Variants in TTF1 observed in about 807,000 individuals in gnomAD.
The protein encoded by TTF1 is transcription termination factor 1, also known as transcription termination factor, RNA polymerase I.
TTF1 carries 64 observed loss-of-function variants against 80.2 expected under a neutral mutation model. That is an observed-to-expected ratio of 0.80 (90% confidence interval 0.65 to 0.98). The LOEUF (loss-of-function observed/expected upper bound fraction) is 0.98. Ranked by LOEUF, TTF1 falls within the 50% of genes least tolerant of loss-of-function variation. TTF1 has a pLI of 0.00. For missense variants in TTF1, 1,023 were observed against 1,086.2 expected (o/e 0.94, Z 0.82); for synonymous variants, 372 against 382.7 (o/e 0.97, Z 0.33).
Position 132,402,192 on chromosome 9 carries a change from T to C in TTF1, c.630A>G (p.Leu210=), listed in dbSNP as rs1449506407. 4.3e-6 allele frequency: 7 copies of C among 1,614,132 alleles called. No homozygotes were observed. Among genetic ancestry groups the C allele is most frequent in the Non-Finnish European group, 5.9e-6 (7 of 1,180,030 alleles). Residue 210 remains leucine (L), a synonymous_variant, in exon 2 of 11, where the codon CTA becomes CTG. Coordinates refer to ENST00000334270, the MANE Select transcript of TTF1 (RefSeq NM_007344.4). The stretch of plus-strand genomic sequence containing the variant: ...ACTTGTTTTTATGAGCAGATGCTGG[T>C]AGTTCTGTAATTTCACCCCCTGGAC... ...SVGPGGEITE[L]PASAHKNKSK...
At position 132,402,102 on chromosome 9, in the gene TTF1, C is replaced by G. The variant is rs143824332; in HGVS notation, c.720G>C (p.Ser240=). 4.3e-6 allele frequency: 7 copies of G among 1,613,528 alleles called. No homozygotes were observed. The highest frequency in any genetic ancestry group is 1.7e-5 in the Admixed American group (1 of 59,950). ...CAGTCCCGGCCTCTCTGCCTGCTTG[C>G]GATCCTTCAGGCATGGCCAGTGTCT... ...EYETLAMPEG[S]QAGREAGTDM... The change falls in exon 2 of 11, where the codon TCG becomes TCC. Residue 240 remains serine (S), a synonymous_variant. Coordinates refer to ENST00000334270, the MANE Select transcript of TTF1 (RefSeq NM_007344.4).
chr9:132,402,332 T>A lies in TTF1; in HGVS notation c.490A>T (p.Arg164Trp), dbSNP rs1384359281. ...TGATGCTTTTTATTCTTTTTCTCCCTAACTTTACTGTGCAGGGCTTCTGAT... is the reference window on the plus strand; with the variant it reads ...TGATGCTTTTTATTCTTTTTCTCCCAAACTTTACTGTGCAGGGCTTCTGAT... ...HKSEALHSKV[R>W]EKKNKKHQRK... The change falls in exon 2 of 11, where the codon AGG becomes TGG. Residue 164 changes from arginine to tryptophan, a missense_variant. Arg to Trp is a moderately radical substitution (Grantham distance 101). Transcript: ENST00000334270. 12 of 1,614,042 alleles carry A rather than the reference T, an allele frequency of 7.4e-6. No homozygotes were observed. Among genetic ancestry groups the A allele is most frequent in the South Asian group, 6.6e-5 (6 of 91,084 alleles).
At chr9:132,392,052 T>TGGGC in intron 6 of TTF1, 24 bp downstream of exon 6, 1 of 1,613,246 alleles carries the variant, frequency 6.2e-7, no homozygotes, top group East Asian at 2.2e-5. Flanking sequence ...TTCAGCGAGG[T>TGGGC]GGGCACTGGG....
intron 1 of TTF1, among the ~76,000 whole-genome samples, chr9:132,405,001 T>C (rs1194929844): frequency 6.6e-6 from 1 of 151,784 alleles, no homozygotes; most frequent in African/African-American, 2.4e-5. Context: ...TTCTCCTGCC[T>C]CAGCCTCCCG....
Position 132,401,842 on chromosome 9 carries a change from G to A in TTF1, c.980C>T (p.Ala327Val), listed in dbSNP as rs140608028. The change falls in exon 2 of 11, where the codon GCT becomes GTT. Residue 327 changes from alanine (A) to valine (V), a missense_variant. Transcript: ENST00000334270. ...TTTTTTCTTAGACTTGTTTTTATAA[G>A]CAGGTGCTGGTATTCCTGCAGTTTC... The part of the protein sequence containing the change: ...HGETAGIPAP[A>V]YKNKSKKKKK... 2 of 1,612,914 alleles carry A rather than the reference G, an allele frequency of 1.2e-6. No individual in the cohort carries two copies. Among genetic ancestry groups the A allele is most frequent in the Non-Finnish European group, 1.7e-6 (2 of 1,179,954 alleles).
chr9:132,392,909 T>C (rs1320827187), intron 5 of TTF1, among the ~76,000 whole-genome samples: 1 of 152,246 alleles, frequency 6.6e-6, no homozygotes, highest in Non-Finnish European at 1.5e-5. Flanking sequence ...ACGTCATCAG[T>C]ATCAAAAAAT....
At chr9:132,403,598 C>T (rs895877620) in intron 1 of TTF1, among the ~76,000 whole-genome samples, 18 of 151,820 alleles carry the variant, frequency 1.2e-4, no homozygotes, top group African/African-American at 4.1e-4. Context: ...TGGCCTGATT[C>T]CCAAGTAATA....
At chr9:132,378,087 A>C (rs560015993) in intron 10 of TTF1, among the ~76,000 whole-genome samples, 2 of 95,188 alleles carry the variant, frequency 2.1e-5, no homozygotes, top group Non-Finnish European at 4.0e-5. Context: ...GTGTGAGTGC[A>C]TGTGGTGTGA....
At chr9:132,386,267 A>C (rs1289194910) in intron 9 of TTF1, among the ~76,000 whole-genome samples, 16 of 152,200 alleles carry the variant, frequency 1.1e-4, no homozygotes. Flanking sequence ...GTGACACTAA[A>C]AAAAGGGAAG....
At chr9:132,405,652 C>A (rs1485484680) in intron 1 of TTF1, among the ~76,000 whole-genome samples, 2 of 152,194 alleles carry the variant, frequency 1.3e-5, no homozygotes, top group African/African-American at 4.8e-5. Flanking sequence ...TTTTAGGGTT[C>A]CCCTGTTATT....
chr9:132,399,179 A>C (rs1193775845), intron 3 of TTF1, among the ~76,000 whole-genome samples: 1 of 147,938 alleles, frequency 6.8e-6, no homozygotes, highest in African/African-American at 2.5e-5. Flanking sequence ...AGCCTGGGCT[A>C]CAGAGCAAGA....
intron 5 of TTF1, among the ~76,000 whole-genome samples, chr9:132,395,583 T>A (rs1210996970): frequency 6.6e-6 from 1 of 152,198 alleles, no homozygotes; most frequent in East Asian, 1.9e-4. Flanking sequence ...CAGGTCTCAG[T>A]CTGTGTGTGA....
chr9:132,383,728 G>C (rs901252067), intron 9 of TTF1, among the ~76,000 whole-genome samples: 1 of 152,178 alleles, frequency 6.6e-6, no homozygotes, highest in African/African-American at 2.4e-5. Flanking sequence ...GAGACTGGAA[G>C]TCTCGAATAA....
intron 3 of TTF1, among the ~76,000 whole-genome samples, chr9:132,398,732 C>T (rs1054430447): frequency 1.3e-5 from 2 of 152,076 alleles, no homozygotes. Flanking sequence ...GTAGCTGGGA[C>T]TACAGGTGTG....
intron 5 of TTF1, among the ~76,000 whole-genome samples, chr9:132,393,963 C>T (rs1849604039): frequency 1.3e-5 from 2 of 151,764 alleles, no homozygotes; most frequent in African/African-American, 4.8e-5. Context: ...GCTCTGTCAC[C>T]CAGGCTGGAG....
intron 5 of TTF1, among the ~76,000 whole-genome samples, chr9:132,392,495 C>T (rs1206005993): frequency 1.3e-5 from 2 of 152,192 alleles, no homozygotes; most frequent in African/African-American, 4.8e-5. Context: ...GGCCTTCCTC[C>T]ACCCGACCTG....
intron 4 of TTF1, among the ~76,000 whole-genome samples, chr9:132,397,098 C>T (rs1027225187): frequency 6.6e-5 from 10 of 152,148 alleles, no homozygotes; most frequent in Non-Finnish European, 1.2e-4. Flanking sequence ...TCTCCGAAAA[C>T]TAAATGCTTA....
chr9:132,381,693 C>T (rs1000562475), intron 9 of TTF1, among the ~76,000 whole-genome samples: 12 of 152,084 alleles, frequency 7.9e-5, no homozygotes, highest in African/African-American at 2.7e-4. Flanking sequence ...TTTGGGACCA[C>T]GGCATGTATC....
intron 10 of TTF1, among the ~76,000 whole-genome samples, chr9:132,377,647 C>T (rs1849238301): frequency 1.4e-5 from 1 of 72,912 alleles, no homozygotes; most frequent in African/African-American, 5.6e-5. Context: ...CGTGTGAATG[C>T]ATGTGGTGTG....
Sources: gnomAD v4.1 joint callset for allele counts (sites outside exome capture counted in the v4.1 genomes callset) on GRCh38, gnomAD v4.1.1 for gene constraint, MANE v1.5 for transcripts, NCBI Gene and HGNC (gene_info 2026-07-23, HGNC 2026-07-21) for gene names.